The following AP2S1 variants were observed in gnomAD, a reference collection of about 807,000 sequenced individuals.
The protein encoded by AP2S1 is AP-2 complex subunit sigma.
Under a neutral mutation model 21.0 loss-of-function variants are expected in AP2S1, and 6 were observed. The observed-to-expected ratio is 0.29, with a 90% CI of 0.16 to 0.56. The LOEUF (loss-of-function observed/expected upper bound fraction) is 0.56. AP2S1 is among the 20% of genes least tolerant of loss of function. The pLI is 0.92. For missense variants in AP2S1, 60 were observed against 186.2 expected (o/e 0.32, Z 3.95); for synonymous variants, 63 against 74.6 (o/e 0.84, Z 0.80).
chr19:46,839,427 C>CA, intron 3 of AP2S1, 38 bp downstream of exon 3: 3 of 1,505,490 alleles, frequency 2.0e-6, no homozygotes, highest in African/African-American at 1.4e-5. Context: ...CAGGGCTGCC[C>CA]ACCCGCCTCC....
At position 46,838,604 on chromosome 19, in the gene AP2S1, C is replaced by G. The variant is rs530162767; in HGVS notation, c.328-56G>C. On this transcript the variant is annotated intron_variant, in intron 4 of 4. Transcript: ENST00000263270. This position sits in a 1 kb window ranked among gnomAD's most constrained non-coding sequence, Gnocchi z 4.1. ...AGGCCCCCCAGGATGCTGGCCCGGA[C>G]CCTGGAAGCTGGGGCTCTGATGCCC... 9 of 1,598,428 alleles carry G rather than the reference C, an allele frequency of 5.6e-6. No individual in the cohort carries two copies. The highest frequency in any genetic ancestry group is 1.7e-4 in the Middle Eastern group (1 of 6,030).
At chr19:46,846,441 G>GTTTTTTTTTTT (rs1229404009) in intron 1 of AP2S1, among the ~76,000 whole-genome samples, 2 of 104,658 alleles carry the variant, frequency 1.9e-5, no homozygotes, top group African/African-American at 8.4e-5. Flanking sequence ...ATCTCTCTCT[G>GTTTTTTTTTTT]TTTTTTTTTT....
At chr19:46,850,107 C>T (rs2055711557) in intron 1 of AP2S1, 4 of 1,228,258 alleles carry the variant, frequency 3.3e-6, no homozygotes, top group Non-Finnish European at 4.1e-6. Context: ...TCAGTTGCTC[C>T]CCATTCTTTC....
intron 2 of AP2S1, among the ~76,000 whole-genome samples, chr19:46,843,919 C>CT (rs567490241): frequency 8.0e-4 from 118 of 147,998 alleles, no homozygotes; most frequent in South Asian, 3.5e-3. Context: ...AACAACCTTT[C>CT]TTTTTTTTTT....
intron 2 of AP2S1, among the ~76,000 whole-genome samples, chr19:46,843,630 G>A (rs1198760994): frequency 6.6e-6 from 1 of 152,104 alleles, no homozygotes; most frequent in Non-Finnish European, 1.5e-5. Context: ...GGCTGAGGTG[G>A]GAGAATTGCT....
Position 46,838,739 on chromosome 19 carries a change from C to T in AP2S1, c.327+1G>A. 1 of 1,613,028 alleles carries T rather than the reference C, an allele frequency of 6.2e-7. No individual in the cohort carries two copies. Among genetic ancestry groups the T allele is most frequent in the Non-Finnish European group, 8.5e-7 (1 of 1,179,198 alleles). On this transcript the variant is annotated splice_donor_variant, in intron 4 of 4. Transcript: ENST00000263270. LOFTEE classifies it high-confidence loss of function. This position sits in a 1 kb window ranked among gnomAD's most constrained non-coding sequence, Gnocchi z 4.1. ...CAGCCTCCTCTTCACCAGGAGCCTA[C>T]CTTGTAGAAGTTGAACACCAGGTCC...
chr19:46,846,271 A>AG, intron 1 of AP2S1, 129 bp from the exon 2 acceptor site: 1 of 1,228,466 alleles, frequency 8.1e-7, no homozygotes, highest in Non-Finnish European at 1.1e-6. Flanking sequence ...CCTGACTTCC[A>AG]GGGGTCTCGG....
intron 2 of AP2S1, among the ~76,000 whole-genome samples, chr19:46,843,193 G>T (rs1171266290): frequency 2.0e-5 from 3 of 152,098 alleles, no homozygotes; most frequent in Non-Finnish European, 2.9e-5. Flanking sequence ...CCAATTCTTG[G>T]CCATTCAGCT....
intron 1 of AP2S1, among the ~76,000 whole-genome samples, chr19:46,847,087 ACTT>A (rs2055649320): frequency 6.6e-6 from 1 of 152,152 alleles, no homozygotes; most frequent in African/African-American, 2.4e-5. Context: ...CAGCTCTGCC[ACTT>A]CTTTTTTTCT....
At chr19:46,840,917 G>C (rs1030442773) in intron 2 of AP2S1, among the ~76,000 whole-genome samples, 1 of 150,678 alleles carries the variant, frequency 6.6e-6, no homozygotes, top group Non-Finnish European at 1.5e-5. Context: ...TCAATCTCTT[G>C]TTCATTGCTA....
At position 46,844,100 on chromosome 19, in the gene AP2S1, G is replaced by A. The variant is rs574158414; in HGVS notation, c.153+1893C>T. ...TAATTTTTGTATTTTTAGTAGAGAC[G>A]AGATTTCATCATGTTGGTCAGGCTG... On this transcript the variant is annotated intron_variant, in intron 2 of 4. Coordinates refer to ENST00000263270, the MANE Select transcript of AP2S1 (RefSeq NM_004069.6). Among the ~76,000 whole-genome samples, 775 of 152,020 alleles carry A rather than the reference G, an allele frequency of 5.1e-3. 4 individuals carry two copies. In the Middle Eastern group the frequency reaches 0.051, roughly 10 times the overall value.
intron 1 of AP2S1, among the ~76,000 whole-genome samples, chr19:46,847,801 T>C (rs935407667): frequency 6.6e-6 from 1 of 152,124 alleles, no homozygotes; most frequent in Non-Finnish European, 1.5e-5. Flanking sequence ...GGCTGAGTGA[T>C]CCTCTGTTGG....
intron 2 of AP2S1, among the ~76,000 whole-genome samples, chr19:46,845,413 G>GGAAT (rs1004817448): frequency 3.4e-5 from 5 of 149,190 alleles, no homozygotes; most frequent in Non-Finnish European, 7.4e-5. Context: ...CTCAAAAAAA[G>GGAAT]TAATTAATTA....
intron 1 of AP2S1, among the ~76,000 whole-genome samples, chr19:46,849,865 A>T (rs954495415): frequency 6.6e-6 from 1 of 151,378 alleles, no homozygotes; most frequent in African/African-American, 2.4e-5. Context: ...GCCTCCAAGG[A>T]CCCTGTTCCT....
At position 46,842,512 on chromosome 19, in the gene AP2S1, C is replaced by T. The variant is rs560802219; in HGVS notation, c.154-2934G>A. Among the ~76,000 whole-genome samples the T allele has an allele frequency of 5.3e-5, 8 of 152,272 alleles. No homozygotes were observed. In the South Asian group the frequency reaches 6.2e-4, roughly 12 times the overall value. The stretch of plus-strand genomic sequence containing the variant: ...ACAAAGGAACAACTGAATGAATGGG[C>T]GGGCCTGGATCCTGGAGGCATGGAG... On this transcript the variant is annotated intron_variant, in intron 2 of 4. Transcript: ENST00000263270.
intron 2 of AP2S1, among the ~76,000 whole-genome samples, chr19:46,845,026 T>C (rs1207790816): frequency 7.0e-6 from 1 of 142,792 alleles, no homozygotes; most frequent in East Asian, 2.0e-4. Context: ...GCTTGAACCC[T>C]GGAGGAGGTT....
At chr19:46,845,180 G>T (rs2055607048) in intron 2 of AP2S1, among the ~76,000 whole-genome samples, 1 of 151,188 alleles carries the variant, frequency 6.6e-6, no homozygotes, top group Non-Finnish European at 1.5e-5. Context: ...AGGCCGAGGA[G>T]GGTGGATTAC....
chr19:46,844,730 G>T (rs2055591063), intron 2 of AP2S1, among the ~76,000 whole-genome samples: 1 of 152,170 alleles, frequency 6.6e-6, no homozygotes, highest in African/African-American at 2.4e-5. Context: ...AACATAGGAA[G>T]TCAAGGCTGC....
At chr19:46,846,307 G>C (rs895083360) in intron 1 of AP2S1, among the ~76,000 whole-genome samples, 165 bp from the exon 2 acceptor site, 1 of 151,972 alleles carries the variant, frequency 6.6e-6, no homozygotes, top group Admixed American at 6.6e-5. Context: ...AAGCCAGGCC[G>C]GCCTGGCCAC....
Sources: allele counts gnomAD v4.1 joint callset (sites outside exome capture counted in the v4.1 genomes callset), GRCh38; gene constraint gnomAD v4.1.1; non-coding constraint Gnocchi (gnomAD v3.1); transcripts MANE v1.5; gene names NCBI Gene and HGNC (gene_info 2026-07-23, HGNC 2026-07-21).